Variants in MAST1 observed in about 807,000 individuals in gnomAD.
The protein encoded by MAST1 is microtubule associated serine/threonine kinase 1, also known as microtubule-associated serine/threonine-protein kinase 1.
A neutral mutation model predicts 124.6 loss-of-function variants in MAST1; 40 were observed. The ratio of observed to expected loss-of-function variants is 0.32; its 90% CI spans 0.25 to 0.42. The LOEUF (loss-of-function observed/expected upper bound fraction) is 0.42, where lower values mean the gene tolerates loss of function less well. Among genes scored for constraint, MAST1 ranks in the 10% least tolerant of loss-of-function variants. MAST1 has a pLI of 1.00. For synonymous variants in MAST1, 938 were observed against 939.4 expected (o/e 1.00, Z 0.03); for missense variants, 1,558 against 2,181.9 (o/e 0.71, Z 5.70).
intron 12 of MAST1, chr19:12,858,975 TTATC>T: frequency 1.7e-6 from 1 of 597,918 alleles, no homozygotes; most frequent in East Asian, 2.8e-5. Flanking sequence ...GTCTGACCCA[TTATC>T]CATCCATCTA....
chr19:12,874,753 C>T lies in MAST1; in HGVS notation c.4596C>T (p.Leu1532=), dbSNP rs143492281. The part of the protein sequence containing the change: ...SAVTPVPPAS[L]LGSGTKPQVG... ...TGACCCCAGTCCCACCCGCATCCCT[C>T]TTGGGCTCAGGCACCAAGCCTCAAG... Residue 1532 remains leucine, a synonymous_variant, in exon 26 of 26, where the codon CTC becomes CTT. Coordinates refer to ENST00000251472, the MANE Select transcript of MAST1 (RefSeq NM_014975.3). The surrounding 1 kb of genome is among the most constrained non-coding windows in gnomAD (Gnocchi z 6.6). 56 of 1,604,960 alleles carry T rather than the reference C, an allele frequency of 3.5e-5. No individual in the cohort carries two copies. The highest frequency in any genetic ancestry group is 2.8e-5 in the Non-Finnish European group (33 of 1,173,340).
intron 24 of MAST1, among the ~76,000 whole-genome samples, chr19:12,872,303 G>A (rs541517828): frequency 5.3e-5 from 8 of 152,212 alleles, no homozygotes; most frequent in African/African-American, 1.9e-4. Context: ...CAGTGAGTTT[G>A]GCCCAGACAA....
In MAST1 at chr19:12,870,872, G is replaced by T. The variant is rs750628036; in HGVS notation, c.3052G>T (p.Asp1018Tyr). The T allele has an allele frequency of 1.2e-6, 2 of 1,614,038 alleles. No homozygotes were observed. Among genetic ancestry groups the T allele is most frequent in the Admixed American group, 3.3e-5 (2 of 60,006 alleles). The change falls in exon 23 of 26, where the codon GAC becomes TAC. Residue 1018 changes from aspartate (D) to tyrosine (Y), a missense_variant. Physicochemically the swap from Asp to Tyr is radical, Grantham distance 160. Transcript: ENST00000251472. ...PAQEAGLCAG[D>Y]LITHVNGEPV... ...CCAGGAGGCAGGACTCTGTGCTGGG[G>T]ACCTCATCACCCACGTGAATGGGGA...
chr19:12,843,456 C>T lies in MAST1; in HGVS notation c.249-73C>T. The T allele has an allele frequency of 8.1e-7, 1 of 1,239,760 alleles. No individual in the cohort carries two copies. The highest frequency in any genetic ancestry group is 1.2e-6 in the Non-Finnish European group (1 of 855,180). The allele number at this position is 1,239,760 out of a possible 1,614,324, so 76.8% of individuals were successfully genotyped here. ...CCCCCACCCTGGCCCTGGCCAGTGG[C>T]TTCACCCACACCCTGAGGAGTTGGG... On this transcript the variant is annotated intron_variant, in intron 3 of 25. Transcript: ENST00000251472. The surrounding 1 kb of genome is among the most constrained non-coding windows in gnomAD (Gnocchi z 4.9).
chr19:12,843,503 C>T lies in MAST1; in HGVS notation c.249-26C>T. On this transcript the variant is annotated intron_variant, in intron 3 of 25. Transcript: ENST00000251472. This position sits in a 1 kb window ranked among gnomAD's most constrained non-coding sequence, Gnocchi z 4.9. ...TGGGGGACCGCTGGGGCCTTGTGGC[C>T]TCTGAGCACCTTGGCTGGGTTCCAG... The T allele has an allele frequency of 6.2e-7, 1 of 1,607,276 alleles. No homozygotes were observed. The highest frequency in any genetic ancestry group is 8.5e-7 in the Non-Finnish European group (1 of 1,175,350).
chr19:12,841,935 T>A lies in MAST1; in HGVS notation c.248+869T>A, dbSNP rs1051604016. ...AGGCTCTGGGATAGGGTCTCACATG[T>A]TTATCCGCAAGCGGGGAGGACTGAG... On this transcript the variant is annotated intron_variant, in intron 3 of 25. Transcript: ENST00000251472. The surrounding 1 kb of genome is among the most constrained non-coding windows in gnomAD (Gnocchi z 4.3). Among the ~76,000 whole-genome samples, 5 of 151,996 alleles carry A rather than the reference T, an allele frequency of 3.3e-5. No individual in the cohort carries two copies. Among genetic ancestry groups the A allele is most frequent in the Non-Finnish European group, 5.9e-5 (4 of 67,998 alleles).
At position 12,852,401 on chromosome 19, in the gene MAST1, G is replaced by T. The variant is rs202083683; in HGVS notation, c.1077+6G>T. On this transcript the variant is annotated splice_donor_region_variant and intron_variant, in intron 10 of 25. Coordinates refer to ENST00000251472, the MANE Select transcript of MAST1 (RefSeq NM_014975.3). ...AGCAAGACGATCTCTCTGAGGTAAG[G>T]CTGGGTGGCTAAGCGGTCAGTACCC... is the stretch of plus-strand genomic sequence containing the variant. The T allele has an allele frequency of 3.7e-6, 6 of 1,613,858 alleles. No homozygotes were observed. The East Asian group carries it at 1.3e-4, about 36-fold the overall frequency.
rs747268403 is a variant in MAST1 at position 12,840,442 on chromosome 19, G to A, written c.84-4G>A. On this transcript the variant is annotated splice_polypyrimidine_tract_variant and splice_region_variant and intron_variant, in intron 1 of 25. Transcript: ENST00000251472. ...CCGGCCCCCCTGCCTTACCTTCCCC[G>A]CAGCTGCCGCACCAGTAATCGGAAA... 4.8e-5 allele frequency: 77 copies of A among 1,609,478 alleles called. No homozygotes were observed. Among genetic ancestry groups the A allele is most frequent in the Non-Finnish European group, 6.1e-5 (72 of 1,176,724 alleles).
At chr19:12,839,126 G>C in intron 1 of MAST1, among the ~76,000 whole-genome samples, 2 of 140,214 alleles carry the variant, frequency 1.4e-5, no homozygotes, top group South Asian at 4.7e-4. Context: ...CTGAGGGGTA[G>C]AAAAAAGGGG....
chr19:12,861,840 T>G (rs1228403715), intron 12 of MAST1, among the ~76,000 whole-genome samples: 1 of 151,584 alleles, frequency 6.6e-6, no homozygotes, highest in East Asian at 1.9e-4. Flanking sequence ...GTAGCTGGGA[T>G]TACAGGTGCC....
rs1308806226 is a variant in MAST1, at chr19:12,865,793, C to G, written c.1881C>G (p.Thr627=). The G allele has an allele frequency of 1.9e-6, 3 of 1,613,766 alleles. No individual in the cohort carries two copies. The highest frequency in any genetic ancestry group is 2.5e-6 in the Non-Finnish European group (3 of 1,179,962). The change falls in exon 16 of 26, where the codon ACC becomes ACG. Residue 627 remains threonine (T), a synonymous_variant. Transcript: ENST00000251472. This position sits in a 1 kb window ranked among gnomAD's most constrained non-coding sequence, Gnocchi z 7.1. The part of the protein sequence containing the change: ...AQLLISSLLQ[T]NPLVRLGAGG... ...TCCTCATATCCAGCCTCCTGCAGAC[C>G]AACCCTCTGGTCAGGCTTGGGGCAG...
chr19:12,871,019 C>T lies in MAST1; in HGVS notation c.3127-17C>T, dbSNP rs1288609244. The T allele has an allele frequency of 3.1e-6, 5 of 1,614,090 alleles. No individual in the cohort carries two copies. In the South Asian group the frequency reaches 4.4e-5, roughly 14 times the overall value. On this transcript the variant is annotated splice_polypyrimidine_tract_variant and intron_variant, in intron 23 of 25. Transcript: ENST00000251472. ...GAGCAGCCCCTAGCAGAGCATTTTC[C>T]CGCATTCTTCCCCCAGAGTGGCAAC...
At chr19:12,839,384 C>G (rs563128445) in intron 1 of MAST1, among the ~76,000 whole-genome samples, 7 of 152,188 alleles carry the variant, frequency 4.6e-5, no homozygotes, top group Non-Finnish European at 1.0e-4. Flanking sequence ...CACACACACA[C>G]AGTTATGTCA....
In MAST1 at chr19:12,874,895, T is replaced by C. The variant is rs757200422; in HGVS notation, c.*25T>C. ...GCCAAGGGGGTCATCGGCCCCGCGC[T>C]GTACAGCCTCCGTATACATATGTAC... is the stretch of plus-strand genomic sequence containing the variant. On this transcript the variant is annotated 3_prime_UTR_variant, in exon 26 of 26. Coordinates refer to ENST00000251472, the MANE Select transcript of MAST1 (RefSeq NM_014975.3). The surrounding 1 kb of genome is among the most constrained non-coding windows in gnomAD (Gnocchi z 6.6). The C allele has an allele frequency of 6.3e-7, 1 of 1,578,408 alleles. No homozygotes were observed. Among genetic ancestry groups the C allele is most frequent in the Non-Finnish European group, 8.6e-7 (1 of 1,166,632 alleles).
rs1170390813 is a variant in MAST1, at chr19:12,874,213, G to A, written c.4056G>A (p.Arg1352=). The A allele has an allele frequency of 6.5e-7, 1 of 1,545,800 alleles. No homozygotes were observed. Among genetic ancestry groups the A allele is most frequent in the South Asian group, 1.2e-5 (1 of 85,386 alleles). The change falls in exon 26 of 26, where the codon AGG becomes AGA. Residue 1352 remains arginine (R), a synonymous_variant. Coordinates refer to ENST00000251472, the MANE Select transcript of MAST1 (RefSeq NM_014975.3). This position sits in a 1 kb window ranked among gnomAD's most constrained non-coding sequence, Gnocchi z 6.6. ...CGTTGCTGCCCGAGGGTGCCTCCAG[G>A]CCACCAGTGTCGAGCAAGGAGAAGG... ...ADPLLPEGAS[R]PPVSSKEKES...
intron 10 of MAST1, 96 bp from the exon 11 acceptor site, chr19:12,858,262 TTTCA>T: frequency 9.3e-7 from 1 of 1,072,386 alleles, no homozygotes; most frequent in East Asian, 2.4e-5. Flanking sequence ...TGAAGGACTC[TTTCA>T]TTCTGTGCCT....
chr19:12,870,806 G>T lies in MAST1; in HGVS notation c.3004-18G>T. The T allele has an allele frequency of 2.5e-6, 4 of 1,591,504 alleles. No homozygotes were observed. The highest frequency in any genetic ancestry group is 3.4e-6 in the Non-Finnish European group (4 of 1,167,578). On this transcript the variant is annotated intron_variant, in intron 22 of 25. Transcript: ENST00000251472. ...CCAATCCCACTAACCCTGTCCCTAT[G>T]GGGTGCTCTTTTCCCAGCATGTGGA... is the stretch of plus-strand genomic sequence containing the variant.
chr19:12,861,680 C>CTCCT (rs1555743465), intron 12 of MAST1, among the ~76,000 whole-genome samples: 1 of 143,450 alleles, frequency 7.0e-6, no homozygotes, highest in African/African-American at 2.7e-5. Flanking sequence ...TTCTTTTTCT[C>CTCCT]TCTTTCTTTC....
At position 12,841,387 on chromosome 19, in the gene MAST1, G is replaced by A. The variant is rs1168230755; in HGVS notation, c.248+321G>A. On this transcript the variant is annotated intron_variant, in intron 3 of 25. Coordinates refer to ENST00000251472, the MANE Select transcript of MAST1 (RefSeq NM_014975.3). The surrounding 1 kb of genome is among the most constrained non-coding windows in gnomAD (Gnocchi z 4.3). ...CAGGTGTTTCCATAGCAACAGGACGGGGCAGCCAAGATGACGTGCGCAAGC... is the reference window on the plus strand; with the variant it reads ...CAGGTGTTTCCATAGCAACAGGACGAGGCAGCCAAGATGACGTGCGCAAGC... Among the ~76,000 whole-genome samples, 1 of 152,262 alleles carries A rather than the reference G, an allele frequency of 6.6e-6. No homozygotes were observed. Among genetic ancestry groups the A allele is most frequent in the Non-Finnish European group, 1.5e-5 (1 of 68,042 alleles).
Sources: allele counts gnomAD v4.1 joint callset (sites outside exome capture counted in the v4.1 genomes callset), GRCh38; gene constraint gnomAD v4.1.1; non-coding constraint Gnocchi (gnomAD v3.1); transcripts MANE v1.5; gene names NCBI Gene and HGNC (gene_info 2026-07-23, HGNC 2026-07-21).